Variants in MRTFB observed in about 807,000 individuals in gnomAD.
MRTFB encodes the protein myocardin-related transcription factor B.
A neutral mutation model predicts 104.2 loss-of-function variants in MRTFB; 29 were observed. The ratio of observed to expected loss-of-function variants is 0.28; its 90% confidence interval spans 0.21 to 0.38. The LOEUF is 0.38. Among genes scored for constraint, MRTFB ranks in the 10% least tolerant of loss-of-function variants. The pLI, the probability that MRTFB is intolerant of heterozygous loss-of-function variation, is 1.00. For synonymous variants in MRTFB, 535 were observed against 519.5 expected (o/e 1.03, Z -0.41); for missense variants, 1,270 against 1,341.6 (o/e 0.95, Z 0.83).
intron 1 of MRTFB, among the ~76,000 whole-genome samples, 158 bp downstream of exon 1, chr16:14,071,523 C>T (rs747839896): frequency 1.3e-5 from 2 of 151,172 alleles, no homozygotes; most frequent in African/African-American, 2.4e-5. Context: ...TGGTCCGCAC[C>T]GTCCCCGGGA....
chr16:14,195,488 A>C (rs1462945393), intron 3 of MRTFB: 1 of 983,088 alleles, frequency 1.0e-6, no homozygotes, highest in Non-Finnish European at 1.2e-6. Flanking sequence ...GTGTGTTTGT[A>C]TCAGCCCCAT....
At chr16:14,000,549 C>T in the MRTFB span, among the ~76,000 whole-genome samples, 6 of 152,342 alleles carry the variant, frequency 3.9e-5, no homozygotes, top group South Asian at 8.3e-4. Flanking sequence ...CTTTTTAGTG[C>T]TAATGTGTTC....
At chr16:14,161,085 CTTT>C (rs57360069) in intron 3 of MRTFB, among the ~76,000 whole-genome samples, 3 of 53,128 alleles carry the variant, frequency 5.6e-5, no homozygotes, top group South Asian at 6.8e-4. Context: ...AATGCCAGGA[CTTT>C]TTTTTTTTTT....
At chr16:14,033,835 CAAAA>C in the MRTFB span, among the ~76,000 whole-genome samples, 3 of 90,488 alleles carry the variant, frequency 3.3e-5, no homozygotes, top group South Asian at 3.8e-4. Flanking sequence ...GACTCAGTCT[CAAAA>C]AAAAAAAAAA....
chr16:14,197,409 A>G (rs2040488317), intron 3 of MRTFB, among the ~76,000 whole-genome samples: 1 of 152,126 alleles, frequency 6.6e-6, no homozygotes, highest in African/African-American at 2.4e-5. Flanking sequence ...AGAACAACAT[A>G]ATTACATTTT....
chr16:14,110,461 C>A (rs1239709434), intron 2 of MRTFB, among the ~76,000 whole-genome samples: 1 of 152,158 alleles, frequency 6.6e-6, no homozygotes, highest in East Asian at 1.9e-4. Flanking sequence ...TGACATTAGA[C>A]AAATCTCTTC....
intron 10 of MRTFB, 134 bp from the exon 11 acceptor site, chr16:14,245,394 C>G: frequency 2.8e-6 from 2 of 713,402 alleles, no homozygotes; most frequent in South Asian, 4.8e-5. Flanking sequence ...TAATTGGCAT[C>G]TTTACAATAT....
intron 3 of MRTFB, among the ~76,000 whole-genome samples, chr16:14,201,293 G>A (rs2040692116): frequency 6.6e-6 from 1 of 152,128 alleles, no homozygotes; most frequent in African/African-American, 2.4e-5. Context: ...CATTTACATA[G>A]GCAATGGAGA....
At chr16:14,117,665 C>G (rs2036611244) in intron 2 of MRTFB, among the ~76,000 whole-genome samples, 1 of 152,044 alleles carries the variant, frequency 6.6e-6, no homozygotes, top group Admixed American at 6.6e-5. Flanking sequence ...AACTTGGATT[C>G]CAGTGGAGGA....
chr16:14,208,278 G>T (rs2041038024), intron 3 of MRTFB, among the ~76,000 whole-genome samples: 1 of 152,218 alleles, frequency 6.6e-6, no homozygotes, highest in South Asian at 2.1e-4. Context: ...CTAACCAGCT[G>T]TTGTCATCAG....
rs568896465 is a variant in MRTFB, at chr16:14,249,164, G to A, written c.2403+83G>A. 22 of 1,465,364 alleles carry A rather than the reference G, an allele frequency of 1.5e-5. No homozygotes were observed. The Admixed American group carries it at 2.7e-4, about 18-fold the overall frequency. The allele number at this position is 1,465,364 out of a possible 1,614,324, so 90.8% of individuals were successfully genotyped here. A position where few individuals can be genotyped will look rare whatever the true frequency, so the allele number is the denominator to read the frequency against. The stretch of plus-strand genomic sequence containing the variant: ...CCATTCAACAAGCATCTTTGTAAAC[G>A]CCCTGGGAAGTTCCTGTTCATTCTT... On this transcript the variant is annotated intron_variant, in intron 13 of 16. Coordinates refer to ENST00000571589, the MANE Select transcript of MRTFB (RefSeq NM_001308142.2).
At chr16:14,218,517 C>G (rs2041533425) in intron 7 of MRTFB, among the ~76,000 whole-genome samples, 1 of 151,936 alleles carries the variant, frequency 6.6e-6, no homozygotes, top group Non-Finnish European at 1.5e-5. Context: ...TCTAGCATGT[C>G]CCACATTCTG....
chr16:14,235,403 C>CA (rs2042451846), intron 9 of MRTFB, among the ~76,000 whole-genome samples: 1 of 152,230 alleles, frequency 6.6e-6, no homozygotes, highest in Non-Finnish European at 1.5e-5. Context: ...CCCACGCATG[C>CA]AACCCCGACG....
chr16:14,164,176 C>G (rs1360523358), intron 3 of MRTFB, among the ~76,000 whole-genome samples: 1 of 152,132 alleles, frequency 6.6e-6, no homozygotes, highest in African/African-American at 2.4e-5. Context: ...TATGTTTACA[C>G]CATTAACCAA....
chr16:14,233,696 T>C (rs13332662), intron 8 of MRTFB, among the ~76,000 whole-genome samples: 19,812 of 145,848 alleles, frequency 0.14, 3,085 homozygotes, highest in African/African-American at 0.38. Flanking sequence ...AGGCCAAAGC[T>C]GGAGAATTGC....
chr16:14,070,564 G>A (rs113897756), upstream of MRTFB, among the ~76,000 whole-genome samples: 940 of 152,300 alleles, frequency 6.2e-3, 9 homozygotes, highest in African/African-American at 0.021. Flanking sequence ...GTGGCACAGG[G>A]GCTTCACAGG....
the MRTFB span, among the ~76,000 whole-genome samples, chr16:14,010,950 G>A: frequency 1.3e-5 from 2 of 152,236 alleles, no homozygotes; most frequent in African/African-American, 4.8e-5. Flanking sequence ...GTGTATTCTA[G>A]TATTGGAGGG....
chr16:14,137,212 G>T (rs9930823), intron 2 of MRTFB, among the ~76,000 whole-genome samples: 8,121 of 152,210 alleles, frequency 0.053, 341 homozygotes, highest in African/African-American at 0.11. Context: ...AAATGTCAGA[G>T]TAGATTAGTC....
chr16:14,245,050 C>T (rs1006808379), intron 10 of MRTFB, among the ~76,000 whole-genome samples: 1 of 152,084 alleles, frequency 6.6e-6, no homozygotes, highest in African/African-American at 2.4e-5. Context: ...TGTGAATTTC[C>T]AACGTAGCAT....
Sources: allele counts gnomAD v4.1 joint callset (sites outside exome capture counted in the v4.1 genomes callset), GRCh38; gene constraint gnomAD v4.1.1; transcripts MANE v1.5; gene names NCBI Gene and HGNC (gene_info 2026-07-23, HGNC 2026-07-21).